The following PDE10A variants were observed in gnomAD, a reference collection of about 807,000 sequenced individuals.
PDE10A encodes cAMP and cAMP-inhibited cGMP 3',5'-cyclic phosphodiesterase 10A.
Under a neutral mutation model 97.7 loss-of-function variants are expected in PDE10A, and 39 were observed. The observed-to-expected ratio is 0.40, with a 90% CI of 0.31 to 0.52. The LOEUF (loss-of-function observed/expected upper bound fraction) is 0.52. PDE10A is among the 20% of genes least tolerant of loss of function. The pLI is 0.56. For missense variants in PDE10A, 731 were observed against 1,047.8 expected (o/e 0.70, Z 4.17); for synonymous variants, 371 against 376.8 (o/e 0.98, Z 0.18).
chr6:165,980,862 A>G (rs1784993411), intron 1 of PDE10A, among the ~76,000 whole-genome samples: 1 of 152,186 alleles, frequency 6.6e-6, no homozygotes, highest in Admixed American at 6.5e-5. Context: ...AAAGTCAAAG[A>G]GCTCTTAAGA....
chr6:165,878,672 G>A (rs1236571664), intron 1 of PDE10A, among the ~76,000 whole-genome samples: 2 of 152,208 alleles, frequency 1.3e-5, no homozygotes, highest in Non-Finnish European at 2.9e-5. Flanking sequence ...GAGCTTCACA[G>A]CAGAACAGGA....
chr6:165,943,170 A>G (rs1280005139), intron 1 of PDE10A, among the ~76,000 whole-genome samples: 2 of 81,980 alleles, frequency 2.4e-5, no homozygotes, highest in Admixed American at 1.2e-4. Flanking sequence ...AGAAGAAAGA[A>G]AGAAAAAAGA....
chr6:165,631,182 A>C (rs1013220759), intron 1 of PDE10A, among the ~76,000 whole-genome samples: 2 of 152,184 alleles, frequency 1.3e-5, no homozygotes, highest in African/African-American at 4.8e-5. Context: ...ATTCAATTTC[A>C]TATGTTATTA....
At chr6:165,757,251 C>G (rs760477272) in intron 1 of PDE10A, among the ~76,000 whole-genome samples, 1 of 152,150 alleles carries the variant, frequency 6.6e-6, no homozygotes, top group Non-Finnish European at 1.5e-5. Context: ...AGGTGAGCAC[C>G]GTGCCCAGCC....
intron 1 of PDE10A, among the ~76,000 whole-genome samples, chr6:165,737,385 T>G (rs1792603358): frequency 6.6e-6 from 1 of 152,022 alleles, no homozygotes; most frequent in African/African-American, 2.4e-5. Flanking sequence ...TGTGCAAAAA[T>G]CCTTGACAAG....
intron 1 of PDE10A, among the ~76,000 whole-genome samples, chr6:165,913,253 G>C: frequency 6.8e-6 from 1 of 147,748 alleles, no homozygotes; most frequent in East Asian, 2.0e-4. Flanking sequence ...CAAGCATGTT[G>C]AATAAGGACA....
At chr6:165,567,652 T>C (rs972394151) in intron 1 of PDE10A, among the ~76,000 whole-genome samples, 2 of 152,148 alleles carry the variant, frequency 1.3e-5, no homozygotes, top group African/African-American at 4.8e-5. Flanking sequence ...TCTCTCTCAA[T>C]ACTTTTTAAA....
At chr6:165,415,967 C>T (rs1256703290) in intron 12 of PDE10A, among the ~76,000 whole-genome samples, 1 of 152,198 alleles carries the variant, frequency 6.6e-6, no homozygotes, top group African/African-American at 2.4e-5. Context: ...ACATTCTAAA[C>T]TCCTGTATCT....
chr6:165,663,553 G>A (rs1310986270), upstream of PDE10A, among the ~76,000 whole-genome samples: 4 of 152,228 alleles, frequency 2.6e-5, no homozygotes, highest in Non-Finnish European at 5.9e-5. Flanking sequence ...CGGGCCAGCA[G>A]CTCCGACCCA....
At chr6:165,334,574 G>C (rs1449686042) in intron 21 of PDE10A, among the ~76,000 whole-genome samples, 1 of 152,188 alleles carries the variant, frequency 6.6e-6, no homozygotes, top group East Asian at 1.9e-4. Context: ...TGAAGATATT[G>C]GTTTAAACAA....
intron 1 of PDE10A, among the ~76,000 whole-genome samples, chr6:165,840,835 T>C (rs1452483313): frequency 3.9e-5 from 6 of 152,234 alleles, no homozygotes; most frequent in Non-Finnish European, 7.4e-5. Context: ...AAGTGTAATA[T>C]AAAAATAACT....
chr6:165,656,256 TCTCACA>T (rs374210039), intron 1 of PDE10A, among the ~76,000 whole-genome samples: 7,838 of 106,070 alleles, frequency 0.074, 220 homozygotes, highest in Middle Eastern at 0.14. Context: ...TCTCTCTCTC[TCTCACA>T]CACACACACA....
intron 1 of PDE10A, among the ~76,000 whole-genome samples, chr6:165,583,274 A>T (rs531775126): frequency 6.6e-6 from 1 of 152,212 alleles, no homozygotes. Flanking sequence ...ACAAATAACA[A>T]ATTAGTGTGC....
At chr6:165,619,069 G>T in intron 1 of PDE10A, among the ~76,000 whole-genome samples, 1 of 114,182 alleles carries the variant, frequency 8.8e-6, no homozygotes, top group African/African-American at 3.9e-5. Context: ...GTAGTGTAGT[G>T]TAGTGTAGTC....
intron 18 of PDE10A, among the ~76,000 whole-genome samples, chr6:165,357,486 A>G (rs1471991932): frequency 6.6e-6 from 1 of 152,070 alleles, no homozygotes; most frequent in Admixed American, 6.6e-5. Context: ...GCAACCCCAC[A>G]TGAAGCTGTT....
intron 1 of PDE10A, among the ~76,000 whole-genome samples, chr6:165,659,023 GCCTGGGT>G (rs1333614157): frequency 6.6e-6 from 1 of 152,148 alleles, no homozygotes. Flanking sequence ...TGTCTCTGGG[GCCTGGGT>G]CCTGGGTCCT....
chr6:165,423,395 G>A (rs138833261), intron 10 of PDE10A, among the ~76,000 whole-genome samples: 171 of 152,290 alleles, frequency 1.1e-3, no homozygotes, highest in African/African-American at 3.9e-3. Flanking sequence ...TGGCCGCAGG[G>A]CGTCTGGAAA....
intron 1 of PDE10A, among the ~76,000 whole-genome samples, chr6:165,785,183 T>A (rs1778460811): frequency 6.6e-6 from 1 of 152,244 alleles, no homozygotes; most frequent in Non-Finnish European, 1.5e-5. Flanking sequence ...GAAAATGGAC[T>A]TAGGGTCCTT....
chr6:165,626,833 G>A (rs946629895), intron 1 of PDE10A, among the ~76,000 whole-genome samples: 3 of 152,202 alleles, frequency 2.0e-5, no homozygotes, highest in African/African-American at 7.2e-5. Context: ...TCATTCCAGA[G>A]GGTCCTATCT....
Sources: gnomAD v4.1 joint callset for allele counts (sites outside exome capture counted in the v4.1 genomes callset) on GRCh38, gnomAD v4.1.1 for gene constraint, MANE v1.5 for transcripts, NCBI Gene and HGNC (gene_info 2026-07-23, HGNC 2026-07-21) for gene names.